The following PCF11 variants were observed in gnomAD, a reference collection of about 807,000 sequenced individuals.
PCF11 encodes pre-mRNA cleavage complex 2 protein Pcf11.
In PCF11, 19 loss-of-function variants were observed where a neutral mutation model predicts 166.1. The observed-to-expected ratio is 0.11, with a 90% CI of 0.08 to 0.17. The LOEUF (loss-of-function observed/expected upper bound fraction) is 0.17. Among genes scored for constraint, PCF11 ranks in the 10% least tolerant of loss-of-function variants. The pLI, the probability that PCF11 is intolerant of heterozygous loss-of-function variation, is 1.00. For synonymous variants in PCF11, 663 were observed against 644.1 expected (o/e 1.03, Z -0.44); for missense variants, 1,565 against 1,855.5 (o/e 0.84, Z 2.88).
chr11:83,162,661 A>G lies in PCF11; in HGVS notation c.319-1018A>G, dbSNP rs1307277484. Among the ~76,000 whole-genome samples the G allele has an allele frequency of 2.6e-5, 4 of 152,352 alleles. No homozygotes were observed. In the East Asian group the frequency reaches 5.8e-4, roughly 22 times the overall value. On this transcript the variant is annotated intron_variant, in intron 2 of 15. Coordinates refer to ENST00000298281, the Ensembl canonical transcript of PCF11. ...ATTAAAATGACCTTGTAATAAATAC[A>G]TTATTATCTGAAGACTTATGAATAT...
At chr11:83,178,669 C>T (rs556225844) in intron 11 of PCF11, among the ~76,000 whole-genome samples, 3 of 151,848 alleles carry the variant, frequency 2.0e-5, no homozygotes, top group South Asian at 4.2e-4. Flanking sequence ...AAAAATTAGC[C>T]GGGCGCAGTG....
At chr11:83,168,824 C>G (rs1279669382) in exon 8 of PCF11, 1 of 1,613,630 alleles carries the variant, frequency 6.2e-7, no homozygotes, top group South Asian at 1.1e-5. Context: ...CCAGTGGGGA[C>G]ACCTCTGCGG....
At chr11:83,170,699 T>C (rs1169204329) in intron 8 of PCF11, among the ~76,000 whole-genome samples, 1 of 152,256 alleles carries the variant, frequency 6.6e-6, no homozygotes, top group Non-Finnish European at 1.5e-5. Flanking sequence ...TTTGAATGAC[T>C]ACTTTTGCTT....
At chr11:83,181,959 A>G in exon 13 of PCF11, 1 of 1,613,090 alleles carries the variant, frequency 6.2e-7, no homozygotes, top group Non-Finnish European at 8.5e-7. Context: ...AGAGGCTGCT[A>G]AAGAAAAAGA....
intron 5 of PCF11, 26 bp downstream of exon 5, chr11:83,166,740 G>A (rs371538525): frequency 1.8e-5 from 27 of 1,535,144 alleles, no homozygotes; most frequent in Non-Finnish European, 2.4e-5. Context: ...TTTAAGTCAA[G>A]TGTAGTAGTG....
chr11:83,168,371 G>A (rs1457914105), intron 7 of PCF11, 57 bp from the exon 8 acceptor site: 9 of 1,431,030 alleles, frequency 6.3e-6, no homozygotes, highest in South Asian at 4.3e-5. Context: ...ACATTCATAC[G>A]AAAATAGAAG....
intron 9 of PCF11, among the ~76,000 whole-genome samples, chr11:83,172,604 C>T (rs1376305210): frequency 6.6e-6 from 1 of 151,946 alleles, no homozygotes; most frequent in African/African-American, 2.4e-5. Context: ...TGTATTTTTA[C>T]GGGGTTTCAC....
chr11:83,186,906 A>T (rs1016486024), exon 16 of PCF11: 1 of 152,244 alleles, frequency 6.6e-6, no homozygotes, highest in African/African-American at 2.4e-5. Context: ...TTCTAAAAGG[A>T]AGGTGATATT....
chr11:83,181,496 TA>T (rs1389602481), intron 12 of PCF11, among the ~76,000 whole-genome samples: 3 of 149,242 alleles, frequency 2.0e-5, no homozygotes, highest in African/African-American at 7.6e-5. Flanking sequence ...ACACATTTTT[TA>T]AAAAATGAAT....
intron 8 of PCF11, 80 bp downstream of exon 8, chr11:83,170,075 A>T (rs1860633275): frequency 8.3e-7 from 1 of 1,203,016 alleles, no homozygotes; most frequent in Non-Finnish European, 1.1e-6. Context: ...TTTTCAGGAC[A>T]TAGTTTATTG....
chr11:83,167,336 T>G lies in PCF11; in HGVS notation c.2001+28T>G. ...AGTTACTATGATTAATCCCATGTAGTCATCATTATCTATCGTCTATTTTTT... is the reference window on the plus strand; with the variant it reads ...AGTTACTATGATTAATCCCATGTAGGCATCATTATCTATCGTCTATTTTTT... On this transcript the variant is annotated intron_variant, in intron 6 of 15. Coordinates refer to ENST00000298281, the Ensembl canonical transcript of PCF11. The surrounding 1 kb of genome is among the most constrained non-coding windows in gnomAD (Gnocchi z 4.2). 6.4e-7 allele frequency: 1 copy of G among 1,565,458 alleles called. No individual in the cohort carries two copies. The highest frequency in any genetic ancestry group is 8.6e-7 in the Non-Finnish European group (1 of 1,157,376).
At position 83,167,707 on chromosome 11, in the gene PCF11, TGTC is replaced by T. The variant is rs1860519779; in HGVS notation, c.2092+203_2092+205del. On this transcript the variant is annotated intron_variant, in intron 7 of 15. Coordinates refer to ENST00000298281, the Ensembl canonical transcript of PCF11. This position sits in a 1 kb window ranked among gnomAD's most constrained non-coding sequence, Gnocchi z 4.2. Reference sequence around the variant, plus strand: ...GACTACCCTTTGACTGATGCCTTGTTGTCTGGAATAGAATGTGAGCCATCCAAA... The same window carrying T: ...GACTACCCTTTGACTGATGCCTTGTTTGGAATAGAATGTGAGCCATCCAAA... The T allele has an allele frequency of 6.7e-7, 1 of 1,501,394 alleles. No homozygotes were observed. Among genetic ancestry groups the T allele is most frequent in the East Asian group, 2.6e-5 (1 of 37,978 alleles). 93.0% of individuals were successfully genotyped at this position (1,501,394 alleles called of 1,614,324 possible). A position where few individuals can be genotyped will look rare whatever the true frequency, so the allele number is the denominator to read the frequency against.
chr11:83,181,043 G>A (rs569113170), exon 12 of PCF11: 3 of 1,592,950 alleles, frequency 1.9e-6, no homozygotes, highest in Admixed American at 1.7e-5. Flanking sequence ...CTGTACACTG[G>A]TATTCAGTGT....
chr11:83,169,862 A>G, exon 8 of PCF11: 1 of 1,613,634 alleles, frequency 6.2e-7, no homozygotes, highest in East Asian at 2.2e-5. Context: ...CCTGGAAACC[A>G]GAGTTTCTCT....
chr11:83,164,203 A>AT lies in PCF11; in HGVS notation c.508-3dup, dbSNP rs555072187. 138 of 1,590,372 alleles carry AT rather than the reference A, an allele frequency of 8.7e-5. 1 individual carries two copies. In the South Asian group the frequency reaches 1.5e-3, roughly 17 times the overall value. ...TTTCTTAAACAAATTGTCTTTTCTT[A>AT]TAGCCCGAGGAGCCTTCAACACCTG... On this transcript the variant is annotated splice_region_variant and splice_polypyrimidine_tract_variant and intron_variant, in intron 3 of 15. Transcript: ENST00000298281.
intron 15 of PCF11, among the ~76,000 whole-genome samples, chr11:83,183,779 C>A (rs774217085): frequency 6.6e-6 from 1 of 151,952 alleles, no homozygotes; most frequent in African/African-American, 2.4e-5. Flanking sequence ...CGTGAGCCAC[C>A]GTGCTCGGCC....
chr11:83,169,600 G>T (rs751032068), exon 8 of PCF11: 1 of 1,613,830 alleles, frequency 6.2e-7, no homozygotes, highest in East Asian at 2.2e-5. Flanking sequence ...CAGATTTGAC[G>T]GTGTACCTCA....
At chr11:83,162,435 T>C (rs906933101) in intron 2 of PCF11, among the ~76,000 whole-genome samples, 8 of 152,374 alleles carry the variant, frequency 5.3e-5, no homozygotes, top group Admixed American at 1.3e-4. Flanking sequence ...AGAAGAAATC[T>C]GGAAAGCTCT....
chr11:83,161,563 T>C (rs1860255064), intron 2 of PCF11, 111 bp downstream of exon 2: 8 of 788,674 alleles, frequency 1.0e-5, no homozygotes, highest in Non-Finnish European at 1.5e-5. Context: ...TTTTATACTT[T>C]TGGACATTTA....
Sources: allele counts gnomAD v4.1 joint callset (sites outside exome capture counted in the v4.1 genomes callset), GRCh38; gene constraint gnomAD v4.1.1; non-coding constraint Gnocchi (gnomAD v3.1); transcripts MANE v1.5; gene names NCBI Gene and HGNC (gene_info 2026-07-23, HGNC 2026-07-21).